DLGAP2: variants seen among roughly 807,000 people sequenced by gnomAD.
The protein encoded by DLGAP2 is disks large-associated protein 2.
In DLGAP2, 26 loss-of-function variants were observed where a neutral mutation model predicts 100.3. That is an observed-to-expected ratio of 0.26 (90% CI 0.19 to 0.36). DLGAP2 has a LOEUF of 0.36. Ranked by LOEUF, DLGAP2 falls within the 10% of genes least tolerant of loss-of-function variation. The pLI is 1.00. For synonymous variants in DLGAP2, 886 were observed against 630.1 expected (o/e 1.41, Z -6.08); for missense variants, 1,858 against 1,453.2 (o/e 1.28, Z -4.53).
chr8:1,001,463 G>T (rs1045211728), intron 2 of DLGAP2, among the ~76,000 whole-genome samples: 1 of 152,068 alleles, frequency 6.6e-6, no homozygotes, highest in Non-Finnish European at 1.5e-5. Flanking sequence ...AAATGTTTTT[G>T]TGTCCTGATA....
intron 8 of DLGAP2, among the ~76,000 whole-genome samples, chr8:1,648,001 C>T (rs774176696): frequency 4.6e-5 from 7 of 152,220 alleles, no homozygotes; most frequent in African/African-American, 7.2e-5. Flanking sequence ...TCACAGACGT[C>T]GGTCATCTCT....
intron 2 of DLGAP2, among the ~76,000 whole-genome samples, chr8:1,236,408 T>TCTCA (rs1374513843): frequency 5.9e-5 from 1 of 16,810 alleles, no homozygotes; most frequent in African/African-American, 2.6e-4. Context: ...TCTAGTTCTC[T>TCTCA]CACATGGCGC....
At chr8:1,011,839 G>T (rs1404950270) in intron 2 of DLGAP2, among the ~76,000 whole-genome samples, 1 of 152,236 alleles carries the variant, frequency 6.6e-6, no homozygotes, top group Non-Finnish European at 1.5e-5. Context: ...CTGGGCGAGG[G>T]TGTCAGTCTG....
intron 1 of DLGAP2, among the ~76,000 whole-genome samples, chr8:807,214 C>T (rs1050336844): frequency 1.3e-5 from 2 of 152,194 alleles, no homozygotes; most frequent in Non-Finnish European, 2.9e-5. Flanking sequence ...CAAAGGTACT[C>T]GTTCTCATTC....
intron 2 of DLGAP2, among the ~76,000 whole-genome samples, chr8:1,140,414 G>C (rs896359551): frequency 2.0e-4 from 29 of 147,870 alleles, no homozygotes; most frequent in African/African-American, 6.9e-4. Flanking sequence ...TAGGGTGCTT[G>C]TTCCCCTACC....
At chr8:1,023,529 T>TA (rs1167012428) in intron 2 of DLGAP2, among the ~76,000 whole-genome samples, 3 of 152,158 alleles carry the variant, frequency 2.0e-5, no homozygotes. Flanking sequence ...ACAAGCGAGT[T>TA]ACTGAGAATG....
Position 1,496,549 on chromosome 8 carries a change from A to ACGACT in DLGAP2, c.107-4815_107-4811dup, listed in dbSNP as rs577386048. Among the ~76,000 whole-genome samples the ACGACT allele has an allele frequency of 2.4e-3, 370 of 152,112 alleles. 1 individual carries two copies. The highest frequency in any genetic ancestry group is 6.6e-3 in the Admixed American group (101 of 15,286). ...AGTGTGAGCAGCTTGTGACATTGAGACGACTCATCACTGAGCAAAGGAAGG... is the reference window on the plus strand; with the variant it reads ...AGTGTGAGCAGCTTGTGACATTGAGACGACTCGACTCATCACTGAGCAAAGGAAGG... On this transcript the variant is annotated intron_variant, in intron 3 of 14. Transcript: ENST00000637795.
intron 2 of DLGAP2, among the ~76,000 whole-genome samples, chr8:1,251,565 C>G (rs1799040759): frequency 6.6e-6 from 1 of 152,162 alleles, no homozygotes; most frequent in African/African-American, 2.4e-5. Context: ...TCCCAGAGTG[C>G]TGGGATTACA....
At chr8:899,229 G>C (rs1798204438) in intron 1 of DLGAP2, among the ~76,000 whole-genome samples, 1 of 152,234 alleles carries the variant, frequency 6.6e-6, no homozygotes, top group Non-Finnish European at 1.5e-5. Flanking sequence ...GTCCTCAGCT[G>C]CCCTACGAGC....
intron 3 of DLGAP2, among the ~76,000 whole-genome samples, chr8:1,385,823 A>G (rs1205384747): frequency 6.6e-6 from 1 of 150,940 alleles, no homozygotes; most frequent in Non-Finnish European, 1.5e-5. Context: ...CTTGGTGCAC[A>G]GTTACCCCGG....
At chr8:1,447,458 C>G (rs1798012890) in intron 3 of DLGAP2, among the ~76,000 whole-genome samples, 1 of 152,160 alleles carries the variant, frequency 6.6e-6, no homozygotes, top group Non-Finnish European at 1.5e-5. Flanking sequence ...GGTGGATAAG[C>G]TTTTTGATGT....
intron 8 of DLGAP2, among the ~76,000 whole-genome samples, chr8:1,650,152 A>T (rs1798129942): frequency 6.6e-6 from 1 of 152,266 alleles, no homozygotes; most frequent in African/African-American, 2.4e-5. Flanking sequence ...GCAGGTCATT[A>T]CTTTATAACC....
At chr8:1,492,788 C>T (rs1247557595) in intron 3 of DLGAP2, among the ~76,000 whole-genome samples, 1 of 152,182 alleles carries the variant, frequency 6.6e-6, no homozygotes, top group Non-Finnish European at 1.5e-5. Context: ...TGTGTGCTAC[C>T]CATGGGAGGC....
intron 2 of DLGAP2, among the ~76,000 whole-genome samples, chr8:1,205,811 C>T (rs975905756): frequency 1.3e-4 from 20 of 152,086 alleles, no homozygotes; most frequent in Non-Finnish European, 5.9e-5. Flanking sequence ...GACTTCAGTC[C>T]GCCTGAGTGA....
intron 5 of DLGAP2, among the ~76,000 whole-genome samples, chr8:1,559,976 A>C (rs1802105257): frequency 6.6e-6 from 1 of 152,132 alleles, no homozygotes. Flanking sequence ...TGTCCCCTCC[A>C]CACTGGCTTC....
intron 2 of DLGAP2, among the ~76,000 whole-genome samples, chr8:1,178,355 C>T (rs1337751238): frequency 2.0e-5 from 3 of 152,046 alleles, no homozygotes; most frequent in Admixed American, 6.6e-5. Context: ...TGCGGAGGGG[C>T]GGCAGCAGTG....
intron 2 of DLGAP2, among the ~76,000 whole-genome samples, chr8:1,063,258 A>G (rs1480023859): frequency 6.6e-6 from 1 of 152,230 alleles, no homozygotes; most frequent in Non-Finnish European, 1.5e-5. Context: ...GACCAAGTGG[A>G]CTGTCCTCTG....
chr8:956,226 T>G (rs1308007856), intron 2 of DLGAP2, among the ~76,000 whole-genome samples: 1 of 152,220 alleles, frequency 6.6e-6, no homozygotes, highest in Non-Finnish European at 1.5e-5. Flanking sequence ...GATGTGATAT[T>G]GGAAACTTTT....
At chr8:1,337,405 ATG>A (rs1801307304) in intron 3 of DLGAP2, among the ~76,000 whole-genome samples, 5 of 406 alleles carry the variant, frequency 0.012, no homozygotes, top group Non-Finnish European at 0.028. Flanking sequence ...GATGGTGATG[ATG>A]GTGATGGTGA....
Sources: gnomAD v4.1 joint callset for allele counts (sites outside exome capture counted in the v4.1 genomes callset) on GRCh38, gnomAD v4.1.1 for gene constraint, MANE v1.5 for transcripts, NCBI Gene and HGNC (gene_info 2026-07-23, HGNC 2026-07-21) for gene names.